MSH3: variants seen among roughly 807,000 people sequenced by gnomAD.
MSH3 encodes mutS homolog 3.
MSH3 carries 106 observed loss-of-function variants against 123.3 expected under a neutral mutation model. The ratio of observed to expected loss-of-function variants is 0.86; its 90% CI spans 0.73 to 1.01. The LOEUF (loss-of-function observed/expected upper bound fraction) is 1.01, where lower values mean the gene tolerates loss of function less well. MSH3 is among the 50% of genes least tolerant of loss of function. The pLI is 0.00. For synonymous variants in MSH3, 515 were observed against 481.4 expected (o/e 1.07, Z -0.91); for missense variants, 1,459 against 1,347.6 (o/e 1.08, Z -1.29).
intron 6 of MSH3, among the ~76,000 whole-genome samples, chr5:80,673,330 A>G (rs1470954500): frequency 6.6e-6 from 1 of 152,094 alleles, no homozygotes; most frequent in East Asian, 1.9e-4. Context: ...GGAGTTTGAG[A>G]CCAGCCTGGA....
chr5:80,776,043 C>T (rs188382284), intron 16 of MSH3, among the ~76,000 whole-genome samples: 26 of 152,184 alleles, frequency 1.7e-4, no homozygotes, highest in Middle Eastern at 3.4e-3. Flanking sequence ...GAGTACACTA[C>T]AACCCCCGGC....
At chr5:80,754,437 C>A (rs146219335) in intron 12 of MSH3, among the ~76,000 whole-genome samples, 187 of 152,162 alleles carry the variant, frequency 1.2e-3, no homozygotes, top group African/African-American at 4.2e-3. Context: ...GTGGCGTTCC[C>A]AGCGTCAGGG....
chr5:80,835,539 G>A (rs1210637759), intron 20 of MSH3, among the ~76,000 whole-genome samples: 2 of 152,080 alleles, frequency 1.3e-5, no homozygotes, highest in Non-Finnish European at 2.9e-5. Context: ...TACCAATATA[G>A]GAAAGGCATT....
chr5:80,783,397 G>A (rs1744443111), intron 17 of MSH3, among the ~76,000 whole-genome samples: 1 of 152,196 alleles, frequency 6.6e-6, no homozygotes, highest in African/African-American at 2.4e-5. Context: ...TTGGCAAAGT[G>A]TATCAAATGG....
At chr5:80,864,624 A>G (rs6151917) in intron 21 of MSH3, among the ~76,000 whole-genome samples, 189 bp from the exon 22 acceptor site, 36 of 152,276 alleles carry the variant, frequency 2.4e-4, no homozygotes, top group Admixed American at 1.4e-3. Context: ...TGGAGGAGGA[A>G]GAAGAAGGGA....
At position 80,748,003 on chromosome 5, in the gene MSH3, A is replaced by C. The variant is rs979899686; in HGVS notation, c.1763+3388A>C. Among the ~76,000 whole-genome samples the C allele has an allele frequency of 1.3e-4, 20 of 152,194 alleles. 1 individual carries two copies. Among genetic ancestry groups the C allele is most frequent in the Non-Finnish European group, 2.9e-5 (2 of 68,034 alleles). On this transcript the variant is annotated intron_variant, in intron 12 of 23. Coordinates refer to ENST00000265081, the MANE Select transcript of MSH3 (RefSeq NM_002439.5). ...TACTGACATAAGTGCCTTACTGATC[A>C]CATCAGTGGCTCATCCAGACAAATA... is the stretch of plus-strand genomic sequence containing the variant.
At chr5:80,855,777 T>A (rs1473122143) in intron 21 of MSH3, 1 of 152,236 alleles carries the variant, frequency 6.6e-6, no homozygotes, top group Non-Finnish European at 1.5e-5. Context: ...CAACACAGTT[T>A]GTGCAGCAAA....
chr5:80,831,491 A>G (rs1745416116), intron 20 of MSH3, among the ~76,000 whole-genome samples: 1 of 152,174 alleles, frequency 6.6e-6, no homozygotes, highest in Non-Finnish European at 1.5e-5. Flanking sequence ...AGACAGATTT[A>G]CTAATTCACG....
intron 10 of MSH3, among the ~76,000 whole-genome samples, chr5:80,739,384 G>C (rs769148723): frequency 3.7e-4 from 56 of 152,094 alleles, no homozygotes; most frequent in Non-Finnish European, 6.5e-4. Context: ...TAACTGTCTG[G>C]CTATTTCACA....
Position 80,875,790 on chromosome 5 carries a change from T to TA in MSH3, c.3344dup (p.Asn1115LysfsTer26). 6.2e-7 allele frequency: 1 copy of TA among 1,613,960 alleles called. No homozygotes were observed. Among genetic ancestry groups the TA allele is most frequent in the Non-Finnish European group, 8.5e-7 (1 of 1,179,824 alleles). On this transcript the variant is annotated frameshift_variant, in exon 24 of 24. Transcript: ENST00000265081. LOFTEE classifies it low-confidence loss of function (END_TRUNC). ...ATTTTGCAAAGTTATGGACGATGCA[T>TA]AATGCACAAGACCTGCAGAAGTGGA...
intron 20 of MSH3, among the ~76,000 whole-genome samples, chr5:80,827,939 C>T (rs531813893): frequency 6.6e-6 from 1 of 152,170 alleles, no homozygotes; most frequent in Admixed American, 6.5e-5. Flanking sequence ...TACACCAAAA[C>T]TGAGAGGAAG....
In MSH3 at chr5:80,778,168, G is replaced by A. The variant is rs542206574; in HGVS notation, c.2319-552G>A. Reference sequence around the variant, plus strand: ...ACTCAAGCCCAGATGGGGAGCATGTGGTATTTCTTCCTATCCAGAGCCACT... The same window carrying A: ...ACTCAAGCCCAGATGGGGAGCATGTAGTATTTCTTCCTATCCAGAGCCACT... On this transcript the variant is annotated intron_variant, in intron 16 of 23. Transcript: ENST00000265081. Among the ~76,000 whole-genome samples, 468 of 152,214 alleles carry A rather than the reference G, an allele frequency of 3.1e-3. 5 individuals carry two copies. The highest frequency in any genetic ancestry group is 7.1e-3 in the African/African-American group (294 of 41,534).
Position 80,768,700 on chromosome 5 carries a change from A to T in MSH3, c.2085-135A>T, listed in dbSNP as rs6151805. 7.6e-4 allele frequency: 548 copies of T among 722,434 alleles called. 5 individuals are homozygous for T. The Admixed American group carries it at 0.014, about 18-fold the overall frequency. 44.8% of individuals were successfully genotyped at this position (722,434 alleles called of 1,614,324 possible). A position where few individuals can be genotyped will look rare whatever the true frequency, so the allele number is the denominator to read the frequency against. On this transcript the variant is annotated intron_variant, in intron 14 of 23. Transcript: ENST00000265081. ...CAGAGAAGTTAAAAAACAAATCCAT[A>T]AGTGCTTAGTGACAATTGGAACCAC...
At chr5:80,763,441 C>G (rs1290769422) in intron 13 of MSH3, among the ~76,000 whole-genome samples, 2 of 152,188 alleles carry the variant, frequency 1.3e-5, no homozygotes, top group African/African-American at 4.8e-5. Context: ...CTGGCAATAG[C>G]AGAAGCTGTG....
chr5:80,839,012 G>T (rs532388168), intron 20 of MSH3, among the ~76,000 whole-genome samples: 1 of 152,308 alleles, frequency 6.6e-6, no homozygotes, highest in Non-Finnish European at 1.5e-5. Flanking sequence ...TCTAGTGACA[G>T]TACTCAATCT....
chr5:80,803,732 C>A (rs976443910), intron 19 of MSH3, among the ~76,000 whole-genome samples: 1 of 152,034 alleles, frequency 6.6e-6, no homozygotes, highest in Non-Finnish European at 1.5e-5. Flanking sequence ...AGTCTCTAAT[C>A]CATTTTGATT....
chr5:80,654,905 G>GCCGCAGCGCCCCCAGCGCCCCCAGCTC lies in MSH3; in HGVS notation c.183_209dup (p.Ala62_Ala70dup), dbSNP rs1749210967. On this transcript the variant is annotated inframe_insertion, in exon 1 of 24. Coordinates refer to ENST00000265081, the MANE Select transcript of MSH3 (RefSeq NM_002439.5). ...TGCAGCGGCTGCAGCGGCCGCAGCGGCCGCAGCGCCCCCAGCGCCCCCAGC... is the reference window on the plus strand; with the variant it reads ...TGCAGCGGCTGCAGCGGCCGCAGCGGCCGCAGCGCCCCCAGCGCCCCCAGCTCCCGCAGCGCCCCCAGCGCCCCCAGC... 2.0e-6 allele frequency: 3 copies of GCCGCAGCGCCCCCAGCGCCCCCAGCTC among 1,494,088 alleles called. No homozygotes were observed. Among genetic ancestry groups the GCCGCAGCGCCCCCAGCGCCCCCAGCTC allele is most frequent in the Non-Finnish European group, 2.7e-6 (3 of 1,126,378 alleles). The allele number at this position is 1,494,088 out of a possible 1,614,324, so 92.6% of individuals were successfully genotyped here.
At chr5:80,828,510 T>G (rs1243014197) in intron 20 of MSH3, among the ~76,000 whole-genome samples, 1 of 152,202 alleles carries the variant, frequency 6.6e-6, no homozygotes, top group Non-Finnish European at 1.5e-5. Flanking sequence ...TATGTCCTTC[T>G]CATATACAAA....
At position 80,665,211 on chromosome 5, in the gene MSH3, G is replaced by A. The variant is rs138381683; in HGVS notation, c.427G>A (p.Asp143Asn). The A allele has an allele frequency of 1.3e-5, 21 of 1,614,128 alleles. No individual in the cohort carries two copies. In the African/African-American group the frequency reaches 1.6e-4, roughly 12 times the overall value. Residue 143 changes from aspartate to asparagine, a missense_variant, in exon 3 of 24, where the codon GAT becomes AAT. Physicochemically the swap from Asp to Asn is conservative, Grantham distance 23 (BLOSUM62 1). Transcript: ENST00000265081. ...GGAAAAATTGAAAGAATTCTGCTGC[G>A]ATTCTGCCCTTCCTCAAAGTAGAGT... ...SLEKLKEFCC[D>N]SALPQSRVQT...
Sources: allele counts gnomAD v4.1 joint callset (sites outside exome capture counted in the v4.1 genomes callset), GRCh38; gene constraint gnomAD v4.1.1; transcripts MANE v1.5; gene names NCBI Gene and HGNC (gene_info 2026-07-23, HGNC 2026-07-21).